Variants in DOCK8 observed in about 807,000 individuals in gnomAD.
DOCK8 encodes dedicator of cytokinesis 8, also known as dedicator of cytokinesis protein 8.
A neutral mutation model predicts 245.6 loss-of-function variants in DOCK8; 141 were observed. The observed-to-expected ratio is 0.57, with a 90% CI of 0.50 to 0.66. The LOEUF is 0.66. Among genes scored for constraint, DOCK8 ranks in the 30% least tolerant of loss-of-function variants. The pLI is 0.00. For synonymous variants in DOCK8, 1,168 were observed against 970.2 expected, an observed-to-expected ratio of 1.20 and a Z score of -3.79; for missense variants, 2,965 against 2,603.4, an observed-to-expected ratio of 1.14 and a Z score of -3.02.
chr9:261,949 G>A (rs1032704784), intron 1 of DOCK8, among the ~76,000 whole-genome samples: 3 of 151,228 alleles, frequency 2.0e-5, no homozygotes, highest in African/African-American at 7.3e-5. Flanking sequence ...TTCTTTCACT[G>A]TCAGTCTTTT....
Position 448,401 on chromosome 9 carries a change from C to T in DOCK8, c.5818-1383C>T, listed in dbSNP as rs936022557. Reference sequence around the variant, plus strand: ...GGGATTACAAGTGTGAGCCACTGCACCAGCCTGAAGTTTTCTTGGCCTTCC... The same window carrying T: ...GGGATTACAAGTGTGAGCCACTGCATCAGCCTGAAGTTTTCTTGGCCTTCC... On this transcript the variant is annotated intron_variant, in intron 44 of 47. Coordinates refer to ENST00000432829, the MANE Select transcript of DOCK8 (RefSeq NM_203447.4). Among the ~76,000 whole-genome samples the T allele has an allele frequency of 1.4e-4, 21 of 152,350 alleles. 1 individual carries two copies. Among genetic ancestry groups the T allele is most frequent in the African/African-American group, 4.8e-4 (20 of 41,584 alleles).
intron 12 of DOCK8, among the ~76,000 whole-genome samples, chr9:337,861 A>G (rs2051390059): frequency 6.6e-6 from 1 of 152,202 alleles, no homozygotes. Flanking sequence ...TGCACTTAGA[A>G]ACAGGTAAGA....
chr9:442,447 T>A (rs1449748273), intron 42 of DOCK8, among the ~76,000 whole-genome samples: 1 of 152,194 alleles, frequency 6.6e-6, no homozygotes, highest in Admixed American at 6.5e-5. Flanking sequence ...GGTGAGGCCA[T>A]CCTTTAGGTA....
At chr9:430,329 G>A (rs1455007126) in intron 36 of DOCK8, among the ~76,000 whole-genome samples, 1 of 152,082 alleles carries the variant, frequency 6.6e-6, no homozygotes, top group East Asian at 1.9e-4. Flanking sequence ...AGCCGAGATT[G>A]CCCCATTTCA....
At chr9:427,869 A>G (rs1011501352) in intron 34 of DOCK8, among the ~76,000 whole-genome samples, 2 of 152,214 alleles carry the variant, frequency 1.3e-5, no homozygotes, top group African/African-American at 4.8e-5. Flanking sequence ...CCAAATATCT[A>G]TACTAGCCCC....
chr9:438,904 T>C (rs1032396839), intron 39 of DOCK8, among the ~76,000 whole-genome samples: 3 of 152,226 alleles, frequency 2.0e-5, no homozygotes, highest in South Asian at 2.1e-4. Context: ...TTAATGTTAA[T>C]TGGGTCTTTG....
chr9:227,912 A>G (rs2047024914), intron 1 of DOCK8, among the ~76,000 whole-genome samples: 1 of 152,292 alleles, frequency 6.6e-6, no homozygotes, highest in East Asian at 1.9e-4. Context: ...TAGTATCAGA[A>G]AAGAGAGCTA....
At chr9:412,074 G>C (rs1333859961) in intron 28 of DOCK8, among the ~76,000 whole-genome samples, 1 of 152,092 alleles carries the variant, frequency 6.6e-6, no homozygotes, top group Non-Finnish European at 1.5e-5. Flanking sequence ...CATATTAGGA[G>C]TTCTATCTAG....
chr9:247,679 A>G (rs785834), intron 1 of DOCK8, among the ~76,000 whole-genome samples: 28,155 of 151,504 alleles, frequency 0.19, 2,746 homozygotes, highest in East Asian at 0.35. Flanking sequence ...GAATACAGGC[A>G]CCCACCACCA....
intron 1 of DOCK8, among the ~76,000 whole-genome samples, chr9:244,647 A>C (rs1470039308): frequency 1.3e-5 from 2 of 152,216 alleles, no homozygotes; most frequent in Admixed American, 6.5e-5. Flanking sequence ...TGTTTAATAA[A>C]TATTTATTAA....
chr9:293,489 C>G (rs1281785634), intron 4 of DOCK8, among the ~76,000 whole-genome samples: 5 of 152,186 alleles, frequency 3.3e-5, no homozygotes, highest in African/African-American at 1.2e-4. Context: ...ATAAATGAAA[C>G]CAGCTGGAAG....
At chr9:227,898 G>A (rs770798506) in intron 1 of DOCK8, among the ~76,000 whole-genome samples, 11 of 152,258 alleles carry the variant, frequency 7.2e-5, no homozygotes, top group Admixed American at 1.3e-4. Flanking sequence ...ATGGCAGACC[G>A]TTGTAGTATC....
At chr9:414,135 A>AAG (rs1289307962) in intron 28 of DOCK8, among the ~76,000 whole-genome samples, 3 of 151,952 alleles carry the variant, frequency 2.0e-5, no homozygotes, top group Non-Finnish European at 4.4e-5. Flanking sequence ...CCATGTCAAA[A>AAG]AAAAAAAAAA....
intron 46 of DOCK8, among the ~76,000 whole-genome samples, chr9:455,261 A>C (rs2057598595): frequency 6.6e-6 from 1 of 152,168 alleles, no homozygotes; most frequent in African/African-American, 2.4e-5. Flanking sequence ...TGGGAGGCTG[A>C]GGTGGAAGGA....
chr9:371,466 C>G lies in DOCK8; in HGVS notation c.1907C>G (p.Pro636Arg). 3 of 1,614,168 alleles carry G rather than the reference C, an allele frequency of 1.9e-6. No homozygotes were observed. The highest frequency in any genetic ancestry group is 2.5e-6 in the Non-Finnish European group (3 of 1,180,030). ...DFYEEVKIKL[P>R]AKLTVNHHLL... is the part of the protein sequence containing the mutation. ...TATGAAGAAGTGAAAATTAAGCTCC[C>G]CGCTAAGCTCACAGTAAATCACCAC... is the stretch of plus-strand genomic sequence containing the variant. The change falls in exon 17 of 48, where the codon CCC becomes CGC. Residue 636 changes from proline to arginine, a missense_variant. This residue lies in a region of DOCK8 where 2,825 missense variants were observed against 2,453.5 expected (regional missense o/e 1.15). Transcript: ENST00000432829.
intron 46 of DOCK8, chr9:454,236 G>A (rs563883665): frequency 2.0e-5 from 3 of 152,286 alleles, no homozygotes; most frequent in African/African-American, 7.2e-5. Flanking sequence ...ATCACTTTCA[G>A]CTGCTTTAGT....
At chr9:359,748 C>T (rs1212634208) in intron 14 of DOCK8, among the ~76,000 whole-genome samples, 1 of 145,932 alleles carries the variant, frequency 6.9e-6, no homozygotes, top group Non-Finnish European at 1.5e-5. Flanking sequence ...CATCTTTGTT[C>T]ATGCAGTTGG....
At chr9:372,035 G>A in intron 17 of DOCK8, 150 bp from the exon 18 acceptor site, 3 of 724,674 alleles carry the variant, frequency 4.1e-6, no homozygotes, top group South Asian at 3.2e-5. Context: ...GATTTAAAAT[G>A]CAAAGAACTG....
chr9:258,237 C>T (rs576628486), intron 1 of DOCK8, among the ~76,000 whole-genome samples: 2 of 152,234 alleles, frequency 1.3e-5, no homozygotes, highest in South Asian at 2.1e-4. Flanking sequence ...CATGTCTTTA[C>T]TGAAGTCACG....
Sources: allele counts gnomAD v4.1 joint callset (sites outside exome capture counted in the v4.1 genomes callset), GRCh38; gene constraint gnomAD v4.1.1; regional missense constraint gnomAD v4.1.1; transcripts MANE v1.5; gene names NCBI Gene and HGNC (gene_info 2026-07-23, HGNC 2026-07-21).